RAPGEF5: variants seen among roughly 807,000 people sequenced by gnomAD.
The protein encoded by RAPGEF5 is Rap guanine nucleotide exchange factor 5, also known as M-Ras-regulated GEF.
A neutral mutation model predicts 125.2 loss-of-function variants in RAPGEF5; 65 were observed. That is an observed-to-expected ratio of 0.52 (90% CI 0.43 to 0.64). RAPGEF5 has a LOEUF of 0.64. Ranked by LOEUF, RAPGEF5 falls within the 30% of genes least tolerant of loss-of-function variation. RAPGEF5 has a pLI of 0.00. For synonymous variants in RAPGEF5, 391 were observed against 385.9 expected (o/e 1.01, Z -0.16); for missense variants, 958 against 1,048.1 (o/e 0.91, Z 1.19).
At chr7:22,209,156 C>T (rs1275237825) in intron 9 of RAPGEF5, among the ~76,000 whole-genome samples, 1 of 152,180 alleles carries the variant, frequency 6.6e-6, no homozygotes, top group African/African-American at 2.4e-5. Flanking sequence ...ATGGCAATGG[C>T]ATTTAATAGT....
chr7:22,136,214 A>AT, intron 22 of RAPGEF5, 89 bp from the exon 23 acceptor site: 1 of 943,920 alleles, frequency 1.1e-6, no homozygotes, highest in Non-Finnish European at 1.6e-6. Context: ...CAATTTGAAC[A>AT]TAACTTAGAT....
intron 9 of RAPGEF5, among the ~76,000 whole-genome samples, chr7:22,214,689 C>T (rs575690392): frequency 3.3e-5 from 5 of 151,998 alleles, no homozygotes; most frequent in African/African-American, 9.7e-5. Context: ...TTCCCGCCCC[C>T]CAACCCCCAT....
chr7:22,345,270 T>C (rs1187499307), intron 1 of RAPGEF5, among the ~76,000 whole-genome samples: 1 of 152,232 alleles, frequency 6.6e-6, no homozygotes, highest in African/African-American at 2.4e-5. Context: ...ATACCAATTG[T>C]GGAGCCTCAG....
At position 22,291,258 on chromosome 7, in the gene RAPGEF5, G is replaced by T. The variant is rs1446510052; in HGVS notation, c.681-17C>A. 1 of 1,477,490 alleles carries T rather than the reference G, an allele frequency of 6.8e-7. No individual in the cohort carries two copies. The highest frequency in any genetic ancestry group is 1.3e-5 in the South Asian group (1 of 74,552). The allele number at this position is 1,477,490 out of a possible 1,614,324, so 91.5% of individuals were successfully genotyped here. On this transcript the variant is annotated splice_polypyrimidine_tract_variant and intron_variant, in intron 5 of 25. Transcript: ENST00000665637. ...TGATGAGACCTAAAAAAAAAAAAAA[G>T]AACAAATTACTTTTCAGTTTTAGTT... is the stretch of plus-strand genomic sequence containing the variant.
At chr7:22,154,674 A>ATGATTC in intron 16 of RAPGEF5, 70 bp from the exon 17 acceptor site, 1 of 1,531,098 alleles carries the variant, frequency 6.5e-7, no homozygotes, top group Non-Finnish European at 8.8e-7. Context: ...TTCCAAATCA[A>ATGATTC]GGCACCTTGA....
intron 11 of RAPGEF5, among the ~76,000 whole-genome samples, chr7:22,183,893 T>G (rs1351173488): frequency 6.6e-6 from 1 of 152,228 alleles, no homozygotes; most frequent in Non-Finnish European, 1.5e-5. Flanking sequence ...CCATAATTCT[T>G]ATAGTCTGGA....
chr7:22,171,150 G>T (rs1784337300), intron 11 of RAPGEF5, among the ~76,000 whole-genome samples: 2 of 152,046 alleles, frequency 1.3e-5, no homozygotes, highest in South Asian at 4.2e-4. Flanking sequence ...CAAAAAAGAG[G>T]CTGTCCCATT....
intron 25 of RAPGEF5, among the ~76,000 whole-genome samples, chr7:22,124,122 GAGGTTCAAGGC>G (rs1350794908): frequency 1.3e-5 from 2 of 152,308 alleles, no homozygotes; most frequent in Admixed American, 1.3e-4. Context: ...TGATGAGTGG[GAGGTTCAAGGC>G]AGGTTCAAGG....
intron 9 of RAPGEF5, among the ~76,000 whole-genome samples, chr7:22,206,798 T>C (rs1473370681): frequency 6.6e-6 from 1 of 151,182 alleles, no homozygotes; most frequent in Non-Finnish European, 1.5e-5. Flanking sequence ...TTAAAGACAA[T>C]ATTAAAAATA....
chr7:22,356,523 C>G (rs1583602027), intron 1 of RAPGEF5: 1 of 160,478 alleles, frequency 6.2e-6, no homozygotes, highest in Admixed American at 6.5e-5. Context: ...TGCAGCTTCC[C>G]CTCCGAGAAG....
intron 1 of RAPGEF5, among the ~76,000 whole-genome samples, chr7:22,322,117 T>C (rs1313684595): frequency 6.6e-6 from 1 of 151,916 alleles, no homozygotes; most frequent in Non-Finnish European, 1.5e-5. Flanking sequence ...CACCAAGTTT[T>C]TGGGGTTTTT....
intron 24 of RAPGEF5, among the ~76,000 whole-genome samples, chr7:22,126,036 G>A (rs1444635278): frequency 1.3e-5 from 2 of 152,144 alleles, no homozygotes; most frequent in Non-Finnish European, 2.9e-5. Flanking sequence ...TGTAATCCCA[G>A]CTACTCGGGA....
At chr7:22,193,214 C>A in intron 11 of RAPGEF5, 153 bp downstream of exon 11, 2 of 809,338 alleles carry the variant, frequency 2.5e-6, no homozygotes, top group Non-Finnish European at 3.8e-6. Context: ...TGGATTTAAA[C>A]AAATCAGCAC....
At chr7:22,263,854 G>A (rs773585750) in intron 7 of RAPGEF5, among the ~76,000 whole-genome samples, 2 of 152,064 alleles carry the variant, frequency 1.3e-5, no homozygotes, top group Non-Finnish European at 2.9e-5. Flanking sequence ...ATGAGTATTA[G>A]TGGTTAGATT....
At chr7:22,224,527 C>T (rs1387915712) in intron 8 of RAPGEF5, among the ~76,000 whole-genome samples, 3 of 152,108 alleles carry the variant, frequency 2.0e-5, no homozygotes, top group Non-Finnish European at 4.4e-5. Context: ...TAATGACCCT[C>T]CAAAATGCCA....
chr7:22,356,037 G>C (rs1183256174), intron 1 of RAPGEF5: 1 of 985,310 alleles, frequency 1.0e-6, no homozygotes, highest in Non-Finnish European at 1.2e-6. Flanking sequence ...TCTGTGTCCT[G>C]AGGCCCTGGC....
intron 6 of RAPGEF5, among the ~76,000 whole-genome samples, chr7:22,268,125 G>C (rs939916763): frequency 1.3e-5 from 2 of 152,150 alleles, no homozygotes; most frequent in African/African-American, 4.8e-5. Flanking sequence ...TTCCCTGATG[G>C]GCTAAGTGAA....
intron 2 of RAPGEF5, among the ~76,000 whole-genome samples, chr7:22,316,489 A>ATATTTTTT (rs1201099897): frequency 3.9e-5 from 2 of 50,644 alleles, no homozygotes; most frequent in South Asian, 9.1e-4. Flanking sequence ...ATATATATAT[A>ATATTTTTT]TTTTTTTTTT....
chr7:22,234,969 C>A (rs1456984055), intron 7 of RAPGEF5, among the ~76,000 whole-genome samples: 3 of 152,152 alleles, frequency 2.0e-5, no homozygotes, highest in Non-Finnish European at 4.4e-5. Context: ...AAGAGCCCCA[C>A]TAACAAGAAA....
Sources: gnomAD v4.1 joint callset for allele counts (sites outside exome capture counted in the v4.1 genomes callset) on GRCh38, gnomAD v4.1.1 for gene constraint, MANE v1.5 for transcripts, NCBI Gene and HGNC (gene_info 2026-07-23, HGNC 2026-07-21) for gene names.